HSD17B4: variants seen among roughly 807,000 people sequenced by gnomAD.
HSD17B4 encodes hydroxysteroid 17-beta dehydrogenase 4.
A neutral mutation model predicts 101.0 loss-of-function variants in HSD17B4; 70 were observed. That is an observed-to-expected ratio of 0.69 (90% CI 0.57 to 0.85). HSD17B4 has a LOEUF of 0.85. Ranked by LOEUF, HSD17B4 falls within the 40% of genes least tolerant of loss-of-function variation. HSD17B4 has a pLI of 0.00. For missense variants in HSD17B4, 984 were observed against 892.4 expected (o/e 1.10, Z -1.31); for synonymous variants, 347 against 297.1 (o/e 1.17, Z -1.73).
intron 7 of HSD17B4, chr5:119,477,815 T>C (rs2126698328): frequency 3.1e-6 from 1 of 321,450 alleles, no homozygotes; most frequent in South Asian, 3.1e-5. Flanking sequence ...TACAGTGGCA[T>C]GAACATGGCT....
intron 22 of HSD17B4, among the ~76,000 whole-genome samples, chr5:119,534,528 C>A (rs1370319929): frequency 1.3e-5 from 2 of 152,016 alleles, no homozygotes; most frequent in Non-Finnish European, 2.9e-5. Context: ...ATAATTAATT[C>A]TTGAGGATAC....
intron 2 of HSD17B4, among the ~76,000 whole-genome samples, chr5:119,467,263 A>G (rs1755904079): frequency 6.6e-6 from 1 of 152,168 alleles, no homozygotes; most frequent in African/African-American, 2.4e-5. Context: ...GTTAACTTCT[A>G]TTAGGACCAT....
intron 22 of HSD17B4, among the ~76,000 whole-genome samples, chr5:119,532,355 A>G (rs556944545): frequency 1.3e-5 from 2 of 152,124 alleles, no homozygotes; most frequent in South Asian, 2.1e-4. Flanking sequence ...CAGTTTGTCT[A>G]TTTCTAGCTT....
In HSD17B4 at chr5:119,477,406, TA is replaced by T; in HGVS notation, c.350-10del. The T allele has an allele frequency of 6.4e-7, 1 of 1,567,580 alleles. No homozygotes were observed. The highest frequency in any genetic ancestry group is 8.8e-7 in the Non-Finnish European group (1 of 1,140,078). On this transcript the variant is annotated splice_polypyrimidine_tract_variant and intron_variant, in intron 6 of 23. Coordinates refer to ENST00000510025, the MANE Select transcript of HSD17B4 (RefSeq NM_000414.4). ...TACAAAATATTTAATAAAAATAATTTATTGTTTTAGATATAATCCACAGAGT... is the reference window on the plus strand; with the variant it reads ...TACAAAATATTTAATAAAAATAATTTTTGTTTTAGATATAATCCACAGAGT...
At chr5:119,463,469 C>T (rs1449311513) in intron 2 of HSD17B4, among the ~76,000 whole-genome samples, 3 of 150,364 alleles carry the variant, frequency 2.0e-5, no homozygotes, top group Admixed American at 6.6e-5. Context: ...TTTACATTTC[C>T]ACCAATAATA....
intron 23 of HSD17B4, 35 bp from the exon 24 acceptor site, chr5:119,541,870 A>C: frequency 2.5e-6 from 3 of 1,204,056 alleles, no homozygotes; most frequent in Admixed American, 1.7e-5. Context: ...TAACATGGTA[A>C]CAGTTGGCAC....
At chr5:119,501,962 C>T (rs778843657) in intron 13 of HSD17B4, 79 bp from the exon 14 acceptor site, 2 of 834,636 alleles carry the variant, frequency 2.4e-6, no homozygotes, top group Non-Finnish European at 4.2e-6. Flanking sequence ...TAAAATGTCA[C>T]TTGCGAGTAA....
At chr5:119,476,127 C>T (rs1748558557) in intron 6 of HSD17B4, among the ~76,000 whole-genome samples, 1 of 152,146 alleles carries the variant, frequency 6.6e-6, no homozygotes, top group Non-Finnish European at 1.5e-5. Flanking sequence ...AGGTTTCCCT[C>T]TCCCCTTTTT....
rs528075070 is a variant in HSD17B4 at position 119,490,263 on chromosome 5, T to G, written c.714+980T>G. On this transcript the variant is annotated intron_variant, in intron 9 of 23. Coordinates refer to ENST00000510025, the MANE Select transcript of HSD17B4 (RefSeq NM_000414.4). Reference sequence around the variant, plus strand: ...GTGGCATAGTAGAGGTAGAAAGAACTTTACAACTCTGTTTTATAGAAGAGG... The same window carrying G: ...GTGGCATAGTAGAGGTAGAAAGAACGTTACAACTCTGTTTTATAGAAGAGG... 3.5e-4 allele frequency among the ~76,000 whole-genome samples: 54 copies of G among 152,278 alleles called. 1 individual carries two copies. In the South Asian group the frequency reaches 0.011, roughly 32 times the overall value.
chr5:119,498,477 TACTTC>T (rs1750851523), intron 12 of HSD17B4, among the ~76,000 whole-genome samples: 1 of 152,240 alleles, frequency 6.6e-6, no homozygotes, highest in Non-Finnish European at 1.5e-5. Context: ...CTTTTATATG[TACTTC>T]ACTTATTAGC....
chr5:119,476,883 A>T (rs1293491590), intron 6 of HSD17B4, among the ~76,000 whole-genome samples: 1 of 152,198 alleles, frequency 6.6e-6, no homozygotes, highest in Non-Finnish European at 1.5e-5. Flanking sequence ...ATGCTTAAAA[A>T]ACTTGACAAT....
chr5:119,472,045 A>C (rs1756426232), intron 2 of HSD17B4, among the ~76,000 whole-genome samples: 1 of 152,224 alleles, frequency 6.6e-6, no homozygotes, highest in Non-Finnish European at 1.5e-5. Context: ...TTTTATGGTA[A>C]GTGTCATCAG....
chr5:119,515,098 T>G (rs1344279153), intron 17 of HSD17B4, 52 bp downstream of exon 17: 2 of 953,678 alleles, frequency 2.1e-6, no homozygotes, highest in East Asian at 4.8e-5. Context: ...ATGACACTTT[T>G]TAATTTATAG....
chr5:119,474,125 C>G (rs1748335395), intron 3 of HSD17B4, 110 bp downstream of exon 3: 1 of 761,246 alleles, frequency 1.3e-6, no homozygotes, highest in Admixed American at 2.2e-5. Flanking sequence ...TTATGATTTT[C>G]TAAGTCTGCC....
chr5:119,499,772 T>C (rs1171167699), intron 13 of HSD17B4: 2 of 328,354 alleles, frequency 6.1e-6, no homozygotes, highest in Non-Finnish European at 1.1e-5. Flanking sequence ...AACAAGTATG[T>C]GTAGTCCCAT....
intron 2 of HSD17B4, among the ~76,000 whole-genome samples, chr5:119,458,371 T>G (rs1261133537): frequency 2.7e-5 from 4 of 149,064 alleles, no homozygotes; most frequent in Non-Finnish European, 3.0e-5. Context: ...TGAGATGGAG[T>G]CTTGCTCTGT....
chr5:119,476,728 T>C, intron 6 of HSD17B4: 6 of 985,058 alleles, frequency 6.1e-6, no homozygotes, highest in Non-Finnish European at 7.2e-6. Context: ...GACTGAGGTA[T>C]TTCCTTCTCT....
chr5:119,511,066 A>G (rs2652698), intron 16 of HSD17B4, among the ~76,000 whole-genome samples: 3,164 of 152,230 alleles, frequency 0.021, 95 homozygotes, highest in African/African-American at 0.072. Flanking sequence ...GTCAGCAGAG[A>G]AGAACAGAAG....
intron 2 of HSD17B4, among the ~76,000 whole-genome samples, chr5:119,466,364 T>C (rs1454263345): frequency 6.6e-6 from 1 of 152,224 alleles, no homozygotes; most frequent in Non-Finnish European, 1.5e-5. Flanking sequence ...TTCAATTTTT[T>C]GAAATAGTTT....
Sources: allele counts gnomAD v4.1 joint callset (sites outside exome capture counted in the v4.1 genomes callset), GRCh38; gene constraint gnomAD v4.1.1; transcripts MANE v1.5; gene names NCBI Gene and HGNC (gene_info 2026-07-23, HGNC 2026-07-21).